Variants in SYS1 observed in about 807,000 individuals in gnomAD.
SYS1 encodes SYS1 golgi trafficking protein.
Under a neutral mutation model 17.8 loss-of-function variants are expected in SYS1, and 8 were observed. The ratio of observed to expected loss-of-function variants is 0.45; its 90% confidence interval spans 0.26 to 0.81. SYS1 has a LOEUF of 0.81. SYS1 is among the 40% of genes least tolerant of loss of function. SYS1 has a pLI of 0.16. For synonymous variants in SYS1, 95 were observed against 90.9 expected (o/e 1.05, Z -0.26); for missense variants, 161 against 203.9 (o/e 0.79, Z 1.28).
Position 45,368,461 on chromosome 20 carries a change from G to A in SYS1, c.*1346G>A, listed in dbSNP as rs1020717087. ...TGGTTTCTTCAGAGCTTTCCCAAGA[G>A]AGCTGTCAGTTTTCAGCTGTCAGTA... On this transcript the variant is annotated 3_prime_UTR_variant, in exon 4 of 4. Transcript: ENST00000243918. 1 of 985,422 alleles carries A rather than the reference G, an allele frequency of 1.0e-6. No individual in the cohort carries two copies. The allele number at this position is 985,422 out of a possible 1,614,324, so 61.0% of individuals were successfully genotyped here. A position where few individuals can be genotyped will look rare whatever the true frequency, so the allele number is the denominator to read the frequency against.
At chr20:45,373,892 G>A, downstream of SYS1, 1 of 1,608,824 alleles carries the variant, frequency 6.2e-7, no homozygotes, top group Non-Finnish European at 8.5e-7. Flanking sequence ...CGTCTTAGGT[G>A]CCATATGGAA....
Position 45,366,876 on chromosome 20 carries a change from G to A in SYS1, c.232G>A (p.Ala78Thr), listed in dbSNP as rs1419913099. The A allele has an allele frequency of 6.8e-6, 11 of 1,613,886 alleles. No homozygotes were observed. Among genetic ancestry groups the A allele is most frequent in the Non-Finnish European group, 9.3e-6 (11 of 1,179,944 alleles). Residue 78 changes from alanine (A) to threonine (T), a missense_variant and splice_region_variant, in exon 4 of 4, where the codon GCC (alanine) becomes ACC (threonine). By Grantham distance (58) the Ala-to-Thr change is moderately conservative. Coordinates refer to ENST00000243918, the MANE Select transcript of SYS1 (RefSeq NM_033542.4). Reference protein sequence around the residue: ...MSFILNALTCALGLLYFIRRG... With the variant: ...MSFILNALTCTLGLLYFIRRG... The stretch of plus-strand genomic sequence containing the variant: ...CTCACTGCTGTCCTCTCCCCACAGT[G>A]CCCTGGGCTTGCTGTACTTCATCCG...
At chr20:45,375,016 G>T in exon 4 of SYS1, 1 of 1,601,594 alleles carries the variant, frequency 6.2e-7, no homozygotes, top group South Asian at 1.1e-5. Context: ...CACCTAGCCT[G>T]GCAGTGTTGT....
chr20:45,363,398 GGTCT>G, intron 1 of SYS1, 83 bp downstream of exon 1: 1 of 1,443,118 alleles, frequency 6.9e-7, no homozygotes, highest in Non-Finnish European at 9.1e-7. Context: ...TCTGAGAATG[GGTCT>G]GTCTGCCCCG....
exon 4 of SYS1, chr20:45,374,446 A>G: frequency 1.8e-6 from 1 of 569,326 alleles, no homozygotes; most frequent in South Asian, 2.4e-5. Flanking sequence ...TAATTTTTAA[A>G]TTTTTTGTAG....
exon 4 of SYS1, chr20:45,375,300 G>A: frequency 6.2e-7 from 1 of 1,614,166 alleles, no homozygotes; most frequent in South Asian, 1.1e-5. Context: ...GGACTCCAGG[G>A]TTCAAGCTAT....
At chr20:45,374,189 G>A, downstream of SYS1, 1 of 672,512 alleles carries the variant, frequency 1.5e-6, no homozygotes, top group African/African-American at 1.8e-5. Context: ...CCTTCCTTTC[G>A]TGGGACTTTC....
At chr20:45,372,367 G>A (rs546621910), downstream of SYS1, among the ~76,000 whole-genome samples, 2 of 152,332 alleles carry the variant, frequency 1.3e-5, no homozygotes, top group South Asian at 4.1e-4. Context: ...CCGGCTCTCT[G>A]GAGCAAAGTG....
At chr20:45,363,063 T>C (rs576735847), upstream of SYS1, 1 of 981,558 alleles carries the variant, frequency 1.0e-6, no homozygotes, top group African/African-American at 1.7e-5. Context: ...TCCGGCTGCT[T>C]GTACCTGGTT....
In SYS1 at chr20:45,366,794, C is replaced by A. The variant is rs542769983; in HGVS notation, c.231-81C>A. 8.7e-6 allele frequency: 10 copies of A among 1,146,310 alleles called. No individual in the cohort carries two copies. In the African/African-American group the frequency reaches 9.1e-5, roughly 10 times the overall value. 71.0% of individuals were successfully genotyped at this position (1,146,310 alleles called of 1,614,324 possible). ...TCGTCACTTCTGACCACTATGCTGCCGTCCTAATTGTCCCTACCCTCCCAA... is the reference window on the plus strand; with the variant it reads ...TCGTCACTTCTGACCACTATGCTGCAGTCCTAATTGTCCCTACCCTCCCAA... On this transcript the variant is annotated intron_variant, in intron 3 of 3. Transcript: ENST00000243918.
In SYS1 at chr20:45,363,357, C is replaced by T; in HGVS notation, c.-4+42C>T. On this transcript the variant is annotated intron_variant, in intron 1 of 3. Coordinates refer to ENST00000243918, the MANE Select transcript of SYS1 (RefSeq NM_033542.4). Reference sequence around the variant, plus strand: ...GGAGCTCGTGTACGGGCGGGGGCCGCGCAGGCGGAATGGGCTGGATTTCCC... The same window carrying T: ...GGAGCTCGTGTACGGGCGGGGGCCGTGCAGGCGGAATGGGCTGGATTTCCC... 3 of 1,426,736 alleles carry T rather than the reference C, an allele frequency of 2.1e-6. No individual in the cohort carries two copies. The African/African-American group carries it at 4.3e-5, about 20-fold the overall frequency. 88.4% of individuals were successfully genotyped at this position (1,426,736 alleles called of 1,614,324 possible).
At position 45,366,860 on chromosome 20, in the gene SYS1, GTCC is replaced by G. The variant is rs776043991; in HGVS notation, c.231-12_231-10del. The G allele has an allele frequency of 1.9e-6, 3 of 1,611,938 alleles. No homozygotes were observed. The South Asian group carries it at 3.3e-5, about 18-fold the overall frequency. On this transcript the variant is annotated splice_polypyrimidine_tract_variant and intron_variant, in intron 3 of 3. Transcript: ENST00000243918. ...GACAACCCAGTGACAACTCACTGCTGTCCTCTCCCCACAGTGCCCTGGGCTTGC... is the reference window on the plus strand; with the variant it reads ...GACAACCCAGTGACAACTCACTGCTGTCTCCCCACAGTGCCCTGGGCTTGC...
chr20:45,376,761 T>TAA (rs11086962), exon 4 of SYS1: 315 of 150,564 alleles, frequency 2.1e-3, no homozygotes, highest in African/African-American at 7.2e-3. Context: ...GGAGGCATGG[T>TAA]AAAAAAAAAT....
At chr20:45,370,998 AG>A (rs1197834441), downstream of SYS1, among the ~76,000 whole-genome samples, 4 of 152,174 alleles carry the variant, frequency 2.6e-5, no homozygotes, top group Non-Finnish European at 5.9e-5. Context: ...TCACAGTCAT[AG>A]GTCCAATTCT....
chr20:45,371,123 T>A (rs112955338), downstream of SYS1, among the ~76,000 whole-genome samples: 7 of 152,290 alleles, frequency 4.6e-5, no homozygotes, highest in African/African-American at 1.7e-4. Flanking sequence ...ATATGTAAAA[T>A]GAGGGTAATA....
intron 3 of SYS1, among the ~76,000 whole-genome samples, chr20:45,366,626 G>A (rs1429703187): frequency 6.6e-6 from 1 of 152,162 alleles, no homozygotes; most frequent in Non-Finnish European, 1.5e-5. Context: ...GCTTCAGGGT[G>A]TCATGATCCC....
downstream of SYS1, among the ~76,000 whole-genome samples, chr20:45,372,081 A>G (rs1228817488): frequency 6.6e-6 from 1 of 152,190 alleles, no homozygotes; most frequent in African/African-American, 2.4e-5. Flanking sequence ...CTCCTCCCCA[A>G]ATCTGTGTTA....
Position 45,367,762 on chromosome 20 carries a change from C to T in SYS1, c.*647C>T, listed in dbSNP as rs1988465289. The T allele has an allele frequency of 1.0e-6, 1 of 986,272 alleles. No individual in the cohort carries two copies. The highest frequency in any genetic ancestry group is 6.1e-5 in the Admixed American group (1 of 16,296). The allele number at this position is 986,272 out of a possible 1,614,324, so 61.1% of individuals were successfully genotyped here. On this transcript the variant is annotated 3_prime_UTR_variant, in exon 4 of 4. Coordinates refer to ENST00000243918, the MANE Select transcript of SYS1 (RefSeq NM_033542.4). ...ATGACTTTCTTCCAGTTCCTTCTAC[C>T]AGGTCCCCATCCTGCTGCCAGCTCT...
chr20:45,374,700 C>T (rs1165218215), exon 4 of SYS1: 5 of 436,620 alleles, frequency 1.1e-5, no homozygotes, highest in East Asian at 7.6e-5. Flanking sequence ...TTTGGAAATC[C>T]TTAAACCCAC....
Sources: gnomAD v4.1 joint callset for allele counts (sites outside exome capture counted in the v4.1 genomes callset) on GRCh38, gnomAD v4.1.1 for gene constraint, MANE v1.5 for transcripts, NCBI Gene and HGNC (gene_info 2026-07-23, HGNC 2026-07-21) for gene names.